The following GATAD1 variants were observed in gnomAD, a reference collection of about 807,000 sequenced individuals.
The protein encoded by GATAD1 is GATA zinc finger domain-containing protein 1.
A neutral mutation model predicts 26.5 loss-of-function variants in GATAD1; 12 were observed. The observed-to-expected ratio is 0.45, with a 90% CI of 0.29 to 0.73. The LOEUF (loss-of-function observed/expected upper bound fraction) is 0.73. Ranked by LOEUF, GATAD1 falls within the 30% of genes least tolerant of loss-of-function variation. The pLI is 0.10. For missense variants in GATAD1, 266 were observed against 342.1 expected, an observed-to-expected ratio of 0.78 and a Z score of 1.75; for synonymous variants, 129 against 133.1, an observed-to-expected ratio of 0.97 and a Z score of 0.21.
At chr7:92,470,373 G>A in the GATAD1 span, 1 of 703,882 alleles carries the variant, frequency 1.4e-6, no homozygotes, top group South Asian at 1.6e-5. Context: ...TATGATAAGG[G>A]AGGGCCATGG....
the GATAD1 span, chr7:92,468,861 G>T: frequency 4.7e-5 from 36 of 764,336 alleles, 1 homozygote; most frequent in Middle Eastern, 3.5e-4. Flanking sequence ...CAGATCGTGG[G>T]CTAGCAGGCC....
the GATAD1 span, chr7:92,493,227 A>G: frequency 8.5e-6 from 6 of 706,202 alleles, no homozygotes; most frequent in African/African-American, 7.2e-5. Flanking sequence ...TTAACCTTAT[A>G]TATCTAAAAA....
rs145592666 is a variant in GATAD1 at position 92,454,590 on chromosome 7, A to G, written c.524A>G (p.Gln175Arg). 91 of 1,613,190 alleles carry G rather than the reference A, an allele frequency of 5.6e-5. No homozygotes were observed. The East Asian group carries it at 2.0e-3, about 36-fold the overall frequency. Residue 175 changes from glutamine to arginine, a missense_variant, in exon 4 of 5, where the codon CAG becomes CGG. Coordinates refer to ENST00000287957, the MANE Select transcript of GATAD1 (RefSeq NM_021167.5). ...PYYAQIRGFI[Q>R]DQYCEKSAAL... ...TATGCTCAAATCAGAGGTTTTATCC[A>G]GGACCAGTATTGCGAGAAGAGTGCA...
chr7:92,474,574 GT>G, the GATAD1 span: 1 of 152,362 alleles, frequency 6.6e-6, no homozygotes, highest in Admixed American at 6.5e-5. Flanking sequence ...CTGCTGGCCT[GT>G]GGGGAATCAT....
the GATAD1 span, chr7:92,468,577 G>T: frequency 2.7e-5 from 13 of 474,912 alleles, no homozygotes; most frequent in Admixed American, 1.9e-4. Flanking sequence ...TAGCATTTTA[G>T]TGAGCTCTCT....
At chr7:92,483,529 G>C in the GATAD1 span, among the ~76,000 whole-genome samples, 231 of 152,370 alleles carry the variant, frequency 1.5e-3, 1 homozygote, top group African/African-American at 5.1e-3. Flanking sequence ...TGCATATTGA[G>C]AATAAGACGG....
intron 3 of GATAD1, among the ~76,000 whole-genome samples, chr7:92,453,803 C>T (rs1789540975): frequency 6.6e-6 from 1 of 152,200 alleles, no homozygotes; most frequent in African/African-American, 2.4e-5. Context: ...GGAGCTTTGG[C>T]TGCAGTCTCT....
downstream of GATAD1, among the ~76,000 whole-genome samples, chr7:92,462,664 G>A (rs139478824): frequency 3.3e-5 from 5 of 152,328 alleles, no homozygotes; most frequent in East Asian, 9.6e-4. Context: ...GGCCCCCAAG[G>A]CAATGGTATT....
chr7:92,481,361 G>C, the GATAD1 span, among the ~76,000 whole-genome samples: 10 of 152,242 alleles, frequency 6.6e-5, no homozygotes, highest in African/African-American at 2.2e-4. Context: ...AAGGAGCCGG[G>C]GAGCAGAAAG....
chr7:92,491,097 C>G, the GATAD1 span: 1 of 581,260 alleles, frequency 1.7e-6, no homozygotes, highest in Non-Finnish European at 3.1e-6. Context: ...TCTTGAAAAT[C>G]TTAACAAGGA....
the GATAD1 span, among the ~76,000 whole-genome samples, chr7:92,489,127 C>G: frequency 6.6e-6 from 1 of 152,228 alleles, no homozygotes; most frequent in Non-Finnish European, 1.5e-5. Context: ...TTCTGTACTT[C>G]TGACATTTTG....
At chr7:92,455,206 T>C (rs1039193483) in intron 4 of GATAD1, among the ~76,000 whole-genome samples, 1 of 152,310 alleles carries the variant, frequency 6.6e-6, no homozygotes, top group South Asian at 2.1e-4. Flanking sequence ...AGGCATTTTA[T>C]GTAGCTGGAG....
the GATAD1 span, among the ~76,000 whole-genome samples, chr7:92,479,827 G>A: frequency 1.3e-5 from 2 of 152,254 alleles, 1 homozygote; most frequent in South Asian, 4.2e-4. Context: ...AGAACGATTG[G>A]TGATGGCCTG....
chr7:92,482,353 G>A, the GATAD1 span, among the ~76,000 whole-genome samples: 3 of 152,216 alleles, frequency 2.0e-5, no homozygotes, highest in Admixed American at 2.0e-4. Flanking sequence ...AGGGTGGATA[G>A]GCAAAACAAT....
the GATAD1 span, among the ~76,000 whole-genome samples, chr7:92,495,647 C>T: frequency 6.6e-6 from 1 of 151,972 alleles, no homozygotes; most frequent in East Asian, 1.9e-4. Context: ...ATATCTTTAG[C>T]GATGTTTCCC....
chr7:92,493,178 A>T, the GATAD1 span: 107 of 1,003,610 alleles, frequency 1.1e-4, 1 homozygote, highest in East Asian at 2.1e-3. Flanking sequence ...AATTAAAAAT[A>T]TTATCTTAAA....
chr7:92,491,224 A>G, the GATAD1 span: 17 of 1,270,526 alleles, frequency 1.3e-5, no homozygotes, highest in Admixed American at 1.8e-4. Flanking sequence ...TTACACCAAC[A>G]TATAGCTTTA....
chr7:92,475,349 C>A, the GATAD1 span: 1 of 151,984 alleles, frequency 6.6e-6, no homozygotes, highest in Non-Finnish European at 1.5e-5. Context: ...TAGTCATTTT[C>A]CGATGAGCTT....
chr7:92,490,835 C>T, the GATAD1 span, among the ~76,000 whole-genome samples: 2 of 152,118 alleles, frequency 1.3e-5, no homozygotes, highest in Admixed American at 6.6e-5. Flanking sequence ...CCTGTTGAAA[C>T]ATTATCAGTA....
Sources: gnomAD v4.1 joint callset for allele counts (sites outside exome capture counted in the v4.1 genomes callset) on GRCh38, gnomAD v4.1.1 for gene constraint, MANE v1.5 for transcripts, NCBI Gene and HGNC (gene_info 2026-07-23, HGNC 2026-07-21) for gene names.